Variants in CFAP47 observed in about 807,000 individuals in gnomAD.
The protein encoded by CFAP47 is cilia- and flagella-associated protein 47.
Under a neutral mutation model 148.1 loss-of-function variants are expected in CFAP47, and 29 were observed. That is an observed-to-expected ratio of 0.20 (90% confidence interval 0.15 to 0.27). The LOEUF (loss-of-function observed/expected upper bound fraction) is 0.27, where lower values mean the gene tolerates loss of function less well. Among genes scored for constraint, CFAP47 ranks in the 10% least tolerant of loss-of-function variants. The probability of loss-of-function intolerance (pLI) is 1.00; values close to 1 mark genes in which losing one functional copy is unlikely to be tolerated. For synonymous variants in CFAP47, 664 were observed against 577.3 expected, an observed-to-expected ratio of 1.15 and a Z score of -2.15; for missense variants, 1,872 against 1,697.5, an observed-to-expected ratio of 1.10 and a Z score of -1.81.
intron 45 of CFAP47, among the ~76,000 whole-genome samples, chrX:36,224,394 A>G (rs1466137545): frequency 3.6e-5 from 4 of 111,585 alleles, no homozygotes; most frequent in South Asian, 3.7e-4. Context: ...AGTTTTATAC[A>G]TGTATGTTTC....
intron 51 of CFAP47, among the ~76,000 whole-genome samples, chrX:36,289,563 C>T (rs1556005249): frequency 9.0e-6 from 1 of 111,199 alleles, no homozygotes; most frequent in Admixed American, 9.6e-5. Flanking sequence ...GTTGAAAACA[C>T]TCATATAAAA....
chrX:36,170,018 G>T (rs1480231561), intron 39 of CFAP47, among the ~76,000 whole-genome samples: 1 of 111,742 alleles, frequency 8.9e-6, no homozygotes, highest in Non-Finnish European at 1.9e-5. Flanking sequence ...CCCTTCTTCA[G>T]GTTGTAAGCT....
chrX:35,955,883 A>T (rs779702508), intron 7 of CFAP47, 78 bp from the exon 8 acceptor site: 11 of 1,153,434 alleles, frequency 9.5e-6, no homozygotes, highest in Non-Finnish European at 1.3e-5. Flanking sequence ...GGTATTTCAG[A>T]CAACAAATAG....
chrX:36,206,568 AATTCAGGTGACTATAT>A (rs1297474355), intron 45 of CFAP47, among the ~76,000 whole-genome samples: 1 of 111,967 alleles, frequency 8.9e-6, no homozygotes, highest in Non-Finnish European at 1.9e-5. Flanking sequence ...ATTAAGAATT[AATTCAGGTGACTATAT>A]AGGATAATTC....
At position 36,031,046 on chromosome X, in the gene CFAP47, T is replaced by A. The variant is rs1010335346; in HGVS notation, c.3557-207T>A. Among the ~76,000 whole-genome samples the A allele has an allele frequency of 2.8e-3, 311 of 110,748 alleles. 1 individual carries two copies. The highest frequency in any genetic ancestry group is 9.3e-3 in the African/African-American group (285 of 30,750). Reference sequence around the variant, plus strand: ...TTATAATTCATTACCATTAAAAAAATTCCACAAAAGGGAACTTTGTTAATT... The same window carrying A: ...TTATAATTCATTACCATTAAAAAAAATCCACAAAAGGGAACTTTGTTAATT... On this transcript the variant is annotated intron_variant, in intron 22 of 63. Coordinates refer to ENST00000378653, the MANE Select transcript of CFAP47 (RefSeq NM_001304548.2).
chrX:36,153,147 A>G (rs1176071782), intron 37 of CFAP47, among the ~76,000 whole-genome samples: 1 of 111,665 alleles, frequency 9.0e-6, no homozygotes, highest in Non-Finnish European at 1.9e-5. Flanking sequence ...TCCAGCTGTG[A>G]TTCTGTGAAA....
At chrX:35,936,192 C>T (rs1056756082) in intron 2 of CFAP47, among the ~76,000 whole-genome samples, 1 of 111,643 alleles carries the variant, frequency 9.0e-6, no homozygotes, top group African/African-American at 3.2e-5. Context: ...AGACTTTGCT[C>T]ATTTTTTTCT....
At chrX:36,162,864 G>A (rs1454056703) in intron 39 of CFAP47, among the ~76,000 whole-genome samples, 3 of 111,835 alleles carry the variant, frequency 2.7e-5, no homozygotes, top group Non-Finnish European at 3.8e-5. Context: ...ATTTAATAGT[G>A]TAATTGCCTT....
intron 36 of CFAP47, among the ~76,000 whole-genome samples, chrX:36,147,612 T>C (rs1273330093): frequency 9.0e-6 from 1 of 111,415 alleles, no homozygotes; most frequent in Non-Finnish European, 1.9e-5. Context: ...CACACTATAG[T>C]GGGGGTCTTG....
At chrX:35,951,404 A>G (rs1347846779) in intron 5 of CFAP47, 45 bp downstream of exon 5, 1 of 838,264 alleles carries the variant, frequency 1.2e-6, no homozygotes. Flanking sequence ...ATGACTTAAA[A>G]GAGATTGTGT....
In CFAP47 at chrX:36,264,337, G is replaced by A. The variant is rs139441302; in HGVS notation, c.7444+12893G>A. Among the ~76,000 whole-genome samples, 3 of 111,425 alleles carry A rather than the reference G, an allele frequency of 2.7e-5. No individual in the cohort carries two copies. In the East Asian group the frequency reaches 8.5e-4, roughly 32 times the overall value. ...TAGATCTAGGGTTTGCTTAATGACT[G>A]CAGTCTTTATAGACTATACTGCCTT... is the stretch of plus-strand genomic sequence containing the variant. On this transcript the variant is annotated intron_variant, in intron 49 of 63. Transcript: ENST00000378653.
At chrX:35,998,848 T>C (rs1011636001) in intron 19 of CFAP47, among the ~76,000 whole-genome samples, 5 of 111,496 alleles carry the variant, frequency 4.5e-5, no homozygotes, top group Non-Finnish European at 9.4e-5. Flanking sequence ...ATTGAGTCTT[T>C]TATCACTTTC....
At chrX:36,250,937 A>T (rs1245951255) in intron 48 of CFAP47, among the ~76,000 whole-genome samples, 1 of 110,870 alleles carries the variant, frequency 9.0e-6, no homozygotes, top group African/African-American at 3.3e-5. Flanking sequence ...TATTTGTTTT[A>T]TTAATATTGA....
At chrX:36,067,772 C>T (rs759498486) in intron 27 of CFAP47, among the ~76,000 whole-genome samples, 34 of 108,630 alleles carry the variant, frequency 3.1e-4, no homozygotes, top group Admixed American at 8.9e-4. Context: ...ACGCCATTCT[C>T]CTGCCTCAGC....
intron 2 of CFAP47, among the ~76,000 whole-genome samples, chrX:35,928,029 C>A (rs1205237171): frequency 3.8e-5 from 4 of 106,016 alleles, no homozygotes; most frequent in African/African-American, 1.4e-4. Flanking sequence ...ATATATATAT[C>A]ACAATTTGTT....
intron 49 of CFAP47, among the ~76,000 whole-genome samples, chrX:36,252,649 T>G (rs967921660): frequency 2.7e-5 from 3 of 111,694 alleles, no homozygotes; most frequent in African/African-American, 9.7e-5. Context: ...ATTTTACTAT[T>G]TTTTAGGTAA....
chrX:36,102,456 T>A (rs1214051604), intron 32 of CFAP47, among the ~76,000 whole-genome samples: 1 of 112,018 alleles, frequency 8.9e-6, no homozygotes, highest in East Asian at 2.8e-4. Context: ...TATCATTCTG[T>A]GGTAAAGAGA....
intron 39 of CFAP47, among the ~76,000 whole-genome samples, chrX:36,169,634 C>G (rs1464562110): frequency 9.0e-6 from 1 of 111,397 alleles, no homozygotes; most frequent in Non-Finnish European, 1.9e-5. Context: ...TCATTTCTAT[C>G]TATTTAATTG....
chrX:36,071,734 A>G (rs1239169481), intron 27 of CFAP47, 91 bp from the exon 28 acceptor site: 1 of 775,516 alleles, frequency 1.3e-6, no homozygotes, highest in East Asian at 3.4e-5. Flanking sequence ...ATATACATCA[A>G]TAGATAATAG....
Sources: gnomAD v4.1 joint callset for allele counts (sites outside exome capture counted in the v4.1 genomes callset) on GRCh38, gnomAD v4.1.1 for gene constraint, MANE v1.5 for transcripts, NCBI Gene and HGNC (gene_info 2026-07-23, HGNC 2026-07-21) for gene names.